The following BASP1 variants were observed in gnomAD, a reference collection of about 807,000 sequenced individuals.
BASP1 encodes brain abundant membrane attached signal protein 1.
A neutral mutation model predicts 2.2 loss-of-function variants in BASP1; 1 was observed. The observed-to-expected ratio is 0.46, with a 90% CI of 0.16 to 2.17. The LOEUF is 2.17. BASP1 is among the 30% of genes most tolerant of loss of function. The pLI is 0.27. For synonymous variants in BASP1, 187 were observed against 154.2 expected (o/e 1.21, Z -1.58); for missense variants, 352 against 327.2 (o/e 1.08, Z -0.58).
intron 1 of BASP1, among the ~76,000 whole-genome samples, chr5:17,248,217 C>T (rs1017022864): frequency 2.0e-5 from 3 of 152,156 alleles, no homozygotes; most frequent in African/African-American, 7.2e-5. Flanking sequence ...TAAATTTAAC[C>T]CAGTGCTTGT....
intron 1 of BASP1, among the ~76,000 whole-genome samples, chr5:17,274,333 G>T (rs1740585167): frequency 6.6e-6 from 1 of 152,162 alleles, no homozygotes; most frequent in East Asian, 1.9e-4. Flanking sequence ...CCCCTGCTTG[G>T]TAAGAAGATA....
chr5:17,270,777 G>A (rs538470314), intron 1 of BASP1, among the ~76,000 whole-genome samples: 3 of 152,154 alleles, frequency 2.0e-5, no homozygotes, highest in African/African-American at 7.2e-5. Context: ...TGCAGTCCCT[G>A]GAAATGTAAA....
At chr5:17,242,829 A>G (rs1309393714) in intron 1 of BASP1, among the ~76,000 whole-genome samples, 2 of 152,098 alleles carry the variant, frequency 1.3e-5, no homozygotes, top group Non-Finnish European at 2.9e-5. Context: ...AGTCTAGGAA[A>G]AAAAAAGTCA....
intron 1 of BASP1, among the ~76,000 whole-genome samples, chr5:17,253,498 C>G (rs947492345): frequency 1.3e-5 from 2 of 152,214 alleles, no homozygotes; most frequent in Non-Finnish European, 2.9e-5. Context: ...CAGGCATGAG[C>G]TACCATGTCT....
intron 1 of BASP1, among the ~76,000 whole-genome samples, chr5:17,230,769 T>C (rs1739619057): frequency 6.6e-6 from 1 of 152,110 alleles, no homozygotes; most frequent in African/African-American, 2.4e-5. Context: ...GGTTTCGTCA[T>C]GTTGGCCAGG....
At chr5:17,220,443 G>T (rs1697300096) in intron 1 of BASP1, among the ~76,000 whole-genome samples, 1 of 152,000 alleles carries the variant, frequency 6.6e-6, no homozygotes, top group Admixed American at 6.6e-5. Flanking sequence ...GTAAATCTTA[G>T]GTTTTTGAGT....
chr5:17,217,555 G>C (rs1739280264), upstream of BASP1: 1 of 146,042 alleles, frequency 6.8e-6, no homozygotes, highest in East Asian at 2.1e-4. Context: ...GGACGCGCGG[G>C]GGGAGGGCAC....
At position 17,275,991 on chromosome 5, in the gene BASP1, T is replaced by TCTCTCTCTCCTCTCCTATCTCTC; in HGVS notation, c.*101_*123dup. On this transcript the variant is annotated 3_prime_UTR_variant, in exon 2 of 2. Coordinates refer to ENST00000322611, the MANE Select transcript of BASP1 (RefSeq NM_006317.5). This position sits in a 1 kb window ranked among gnomAD's most constrained non-coding sequence, Gnocchi z 5.3. ...TCTCTATCTCTCTCTCTATCTCCTC[T>TCTCTCTCTCCTCTCCTATCTCTC]CTCTCTCTCCTCTCCTATCTCTCCT... The TCTCTCTCTCCTCTCCTATCTCTC allele has an allele frequency of 8.8e-7, 1 of 1,141,728 alleles. No homozygotes were observed. 70.7% of individuals were successfully genotyped at this position (1,141,728 alleles called of 1,614,324 possible). A position where few individuals can be genotyped will look rare whatever the true frequency, so the allele number is the denominator to read the frequency against.
chr5:17,269,679 T>C (rs1002440517), intron 1 of BASP1, among the ~76,000 whole-genome samples: 1 of 152,198 alleles, frequency 6.6e-6, no homozygotes, highest in Non-Finnish European at 1.5e-5. Flanking sequence ...TGTGGGGGAT[T>C]TTAAAGATGT....
chr5:17,245,980 A>C (rs1020904011), intron 1 of BASP1, among the ~76,000 whole-genome samples: 3 of 152,186 alleles, frequency 2.0e-5, no homozygotes, highest in African/African-American at 7.2e-5. Context: ...AGAGAAAAAA[A>C]AATCAAGAGA....
rs564045983 is a variant in BASP1, at chr5:17,267,575, G to T, written c.-9-7633G>T. On this transcript the variant is annotated intron_variant, in intron 1 of 1. Coordinates refer to ENST00000322611, the MANE Select transcript of BASP1 (RefSeq NM_006317.5). ...TCACCAGGCCCCAGGCTGGAGTGCG[G>T]TGGCACGATCTCATCCCGCTGCAAC... Among the ~76,000 whole-genome samples, 26 of 151,712 alleles carry T rather than the reference G, an allele frequency of 1.7e-4. No homozygotes were observed. In the South Asian group the frequency reaches 5.0e-3, roughly 29 times the overall value.
In BASP1 at chr5:17,236,904, A is replaced by G. The variant is rs568985040; in HGVS notation, c.-10+19094A>G. 2.6e-5 allele frequency among the ~76,000 whole-genome samples: 4 copies of G among 152,334 alleles called. No homozygotes were observed. In the South Asian group the frequency reaches 8.3e-4, roughly 32 times the overall value. ...CGATGTAAATAAAACAAAATTCTGT[A>G]TATTTAAAAAGCTGCTTGCGCTACT... On this transcript the variant is annotated intron_variant, in intron 1 of 1. Transcript: ENST00000322611. This position sits in a 1 kb window ranked among gnomAD's most constrained non-coding sequence, Gnocchi z 4.0.
intron 1 of BASP1, among the ~76,000 whole-genome samples, chr5:17,224,871 G>T (rs531291831): frequency 1.3e-5 from 2 of 152,344 alleles, no homozygotes; most frequent in South Asian, 4.1e-4. Flanking sequence ...AGTTAGTGTT[G>T]CCTGATTAGA....
chr5:17,238,087 T>C (rs763771174), intron 1 of BASP1, among the ~76,000 whole-genome samples: 18 of 152,184 alleles, frequency 1.2e-4, no homozygotes, highest in African/African-American at 1.4e-4. Flanking sequence ...TTGGCACTCC[T>C]ATTGACACTT....
chr5:17,262,884 G>A (rs1740344027), intron 1 of BASP1, among the ~76,000 whole-genome samples: 2 of 150,628 alleles, frequency 1.3e-5, no homozygotes, highest in African/African-American at 4.9e-5. Context: ...TCTTGCTCTG[G>A]CGCCCAGGCT....
rs1430979161 is a variant in BASP1, at chr5:17,275,395, A to AGGACGCGAG, written c.185_186insGAGGGACGC (p.Ala62_Glu63insArgAspAla). On this transcript the variant is annotated inframe_insertion, in exon 2 of 2. Coordinates refer to ENST00000322611, the MANE Select transcript of BASP1 (RefSeq NM_006317.5). The surrounding 1 kb of genome is among the most constrained non-coding windows in gnomAD (Gnocchi z 5.3). ...AAGGAGGGCAAGGAGAAGCCCGACC[A>AGGACGCGAG]GGACGCCGAGGGCAAGGCCGAGGAG... The AGGACGCGAG allele has an allele frequency of 6.3e-7, 1 of 1,581,132 alleles. No individual in the cohort carries two copies. The highest frequency in any genetic ancestry group is 8.6e-7 in the Non-Finnish European group (1 of 1,164,578).
Position 17,236,068 on chromosome 5 carries a change from G to A in BASP1, c.-10+18258G>A, listed in dbSNP as rs1040630251. 2.6e-5 allele frequency among the ~76,000 whole-genome samples: 4 copies of A among 151,922 alleles called. No individual in the cohort carries two copies. Among genetic ancestry groups the A allele is most frequent in the Non-Finnish European group, 5.9e-5 (4 of 67,996 alleles). On this transcript the variant is annotated intron_variant, in intron 1 of 1. Transcript: ENST00000322611. The surrounding 1 kb of genome is among the most constrained non-coding windows in gnomAD (Gnocchi z 4.0). ...TTTTAGCTCATTAGCTATTGTTAGC[G>A]TATTTTATGTGTGGCCCAAGACAAT...
chr5:17,218,595 C>T (rs1739318359), intron 1 of BASP1, among the ~76,000 whole-genome samples: 1 of 152,102 alleles, frequency 6.6e-6, no homozygotes, highest in African/African-American at 2.4e-5. Context: ...GGTCCCGGCC[C>T]CGGCCCGGGC....
chr5:17,245,305 CTCA>C (rs773971576), intron 1 of BASP1, among the ~76,000 whole-genome samples: 243 of 64,354 alleles, frequency 3.8e-3, no homozygotes, highest in East Asian at 0.017. Flanking sequence ...GAGACTCCGT[CTCA>C]AAAAAAAAAA....
Sources: gnomAD v4.1 joint callset for allele counts (sites outside exome capture counted in the v4.1 genomes callset) on GRCh38, gnomAD v4.1.1 for gene constraint, Gnocchi (gnomAD v3.1) non-coding constraint, MANE v1.5 for transcripts, NCBI Gene and HGNC (gene_info 2026-07-23, HGNC 2026-07-21) for gene names.